SLC35F1: variants seen among roughly 807,000 people sequenced by gnomAD.
SLC35F1 encodes solute carrier family 35 member F1, also known as chromosome 6 open reading frame 169.
SLC35F1 carries 14 observed loss-of-function variants against 48.7 expected under a neutral mutation model. That is an observed-to-expected ratio of 0.29 (90% confidence interval 0.19 to 0.45). SLC35F1 has a LOEUF of 0.45. Among genes scored for constraint, SLC35F1 ranks in the 20% least tolerant of loss-of-function variants. The pLI is 1.00. For synonymous variants in SLC35F1, 190 were observed against 202.2 expected (o/e 0.94, Z 0.51); for missense variants, 404 against 500.0 (o/e 0.81, Z 1.83).
intron 1 of SLC35F1, among the ~76,000 whole-genome samples, chr6:118,143,578 C>A (rs1348489430): frequency 2.0e-5 from 3 of 152,152 alleles, no homozygotes; most frequent in African/African-American, 7.2e-5. Flanking sequence ...GGAGAATAAA[C>A]TTCTTAGTCA....
intron 2 of SLC35F1, among the ~76,000 whole-genome samples, chr6:118,189,891 G>C (rs2114521196): frequency 6.6e-6 from 1 of 152,336 alleles, no homozygotes; most frequent in South Asian, 2.1e-4. Flanking sequence ...TTTGAACACA[G>C]TTTGAACACT....
intron 1 of SLC35F1, among the ~76,000 whole-genome samples, chr6:118,077,325 G>A (rs936223933): frequency 7.2e-5 from 11 of 152,162 alleles, no homozygotes; most frequent in African/African-American, 2.7e-4. Context: ...GAAGATCCAT[G>A]TAGAACTCCT....
chr6:117,999,590 C>T (rs1280024945), intron 1 of SLC35F1: 5 of 601,490 alleles, frequency 8.3e-6, no homozygotes, highest in Non-Finnish European at 1.4e-5. Flanking sequence ...AAAGAAATAC[C>T]TAAAATCAGA....
intron 1 of SLC35F1, among the ~76,000 whole-genome samples, chr6:117,920,915 G>A (rs1374772741): frequency 6.6e-6 from 1 of 151,858 alleles, no homozygotes; most frequent in Non-Finnish European, 1.5e-5. Context: ...ATTCATGGGG[G>A]ATATATAAAT....
chr6:118,304,804 C>T (rs1405448959), intron 7 of SLC35F1, among the ~76,000 whole-genome samples: 1 of 151,296 alleles, frequency 6.6e-6, no homozygotes, highest in Non-Finnish European at 1.5e-5. Flanking sequence ...TGGCCTGAGG[C>T]TTGGAGATGT....
intron 1 of SLC35F1, among the ~76,000 whole-genome samples, chr6:118,072,016 T>C (rs1416877333): frequency 6.6e-6 from 1 of 152,366 alleles, no homozygotes; most frequent in East Asian, 1.9e-4. Context: ...AATTTATTTC[T>C]CTATTTCTCT....
At chr6:118,059,501 C>T (rs1012538973) in intron 1 of SLC35F1, among the ~76,000 whole-genome samples, 2 of 152,136 alleles carry the variant, frequency 1.3e-5, no homozygotes, top group Non-Finnish European at 2.9e-5. Context: ...CAGTACAAAC[C>T]AGGTTATGTT....
At chr6:118,301,331 C>T (rs1014021581) in intron 7 of SLC35F1, among the ~76,000 whole-genome samples, 1 of 152,010 alleles carries the variant, frequency 6.6e-6, no homozygotes, top group Non-Finnish European at 1.5e-5. Flanking sequence ...TTGATGAAAC[C>T]AGCTGAAAAA....
intron 1 of SLC35F1, among the ~76,000 whole-genome samples, chr6:118,053,359 C>G (rs1772417881): frequency 6.6e-6 from 1 of 152,048 alleles, no homozygotes; most frequent in South Asian, 2.1e-4. Context: ...TAGAATACCA[C>G]AGAGATGAGT....
intron 1 of SLC35F1, among the ~76,000 whole-genome samples, chr6:118,131,452 A>G (rs1045468128): frequency 2.6e-5 from 4 of 152,298 alleles, no homozygotes; most frequent in Non-Finnish European, 5.9e-5. Context: ...AGTTATAATA[A>G]CATTTAGGTC....
chr6:118,151,905 A>G (rs1774064384), intron 1 of SLC35F1, among the ~76,000 whole-genome samples: 1 of 151,902 alleles, frequency 6.6e-6, no homozygotes, highest in Non-Finnish European at 1.5e-5. Context: ...CTTTATTTCA[A>G]TAAACTGTTT....
intron 3 of SLC35F1, among the ~76,000 whole-genome samples, chr6:118,255,378 G>A (rs908035338): frequency 6.6e-6 from 1 of 152,162 alleles, no homozygotes; most frequent in African/African-American, 2.4e-5. Flanking sequence ...GTTCACTGAT[G>A]ATCAGAACTT....
At chr6:118,307,496 G>T (rs1309756625) in intron 7 of SLC35F1, among the ~76,000 whole-genome samples, 1 of 152,094 alleles carries the variant, frequency 6.6e-6, no homozygotes, top group Non-Finnish European at 1.5e-5. Context: ...AGAAATAAGG[G>T]ACATGAGAAA....
intron 2 of SLC35F1, among the ~76,000 whole-genome samples, chr6:118,156,839 CA>C (rs1025321272): frequency 3.1e-4 from 47 of 152,072 alleles, no homozygotes; most frequent in Admixed American, 1.8e-3. Context: ...TTGTACATCT[CA>C]CTTTTCAGGA....
chr6:118,081,869 G>C (rs1001690349), intron 1 of SLC35F1, among the ~76,000 whole-genome samples: 1 of 152,150 alleles, frequency 6.6e-6, no homozygotes, highest in African/African-American at 2.4e-5. Context: ...GATTCACTGA[G>C]GGTGACTTGG....
At chr6:118,149,124 G>C (rs1441048948) in intron 1 of SLC35F1, among the ~76,000 whole-genome samples, 2 of 152,160 alleles carry the variant, frequency 1.3e-5, no homozygotes, top group Non-Finnish European at 2.9e-5. Context: ...GAGCTTATGA[G>C]CTACACAATA....
intron 1 of SLC35F1, among the ~76,000 whole-genome samples, chr6:118,124,608 G>A (rs142658129): frequency 6.6e-6 from 1 of 152,210 alleles, no homozygotes; most frequent in Non-Finnish European, 1.5e-5. Context: ...TACTGAGCCG[G>A]CCCAGGCTGA....
At chr6:117,952,030 C>T (rs1776368815) in intron 1 of SLC35F1, among the ~76,000 whole-genome samples, 1 of 152,246 alleles carries the variant, frequency 6.6e-6, no homozygotes, top group African/African-American at 2.4e-5. Context: ...ATGCTGTGTC[C>T]TTCTGCAGAG....
At chr6:117,953,403 T>C (rs1399427399) in intron 1 of SLC35F1, among the ~76,000 whole-genome samples, 1 of 152,214 alleles carries the variant, frequency 6.6e-6, no homozygotes, top group African/African-American at 2.4e-5. Flanking sequence ...TATATCGACA[T>C]GTATTTATTT....
Sources: allele counts gnomAD v4.1 joint callset (sites outside exome capture counted in the v4.1 genomes callset), GRCh38; gene constraint gnomAD v4.1.1; transcripts MANE v1.5; gene names NCBI Gene and HGNC (gene_info 2026-07-23, HGNC 2026-07-21).